Variants in FRAS1 observed in about 807,000 individuals in gnomAD.
FRAS1 encodes the protein Fraser extracellular matrix complex subunit 1, also known as extracellular matrix organizing protein FRAS1.
A neutral mutation model predicts 435.2 loss-of-function variants in FRAS1; 290 were observed. The ratio of observed to expected loss-of-function variants is 0.67; its 90% confidence interval spans 0.61 to 0.73. The LOEUF (loss-of-function observed/expected upper bound fraction) is 0.73, where lower values mean the gene tolerates loss of function less well. Ranked by LOEUF, FRAS1 falls within the 30% of genes least tolerant of loss-of-function variation. FRAS1 has a pLI of 0.00. For missense variants in FRAS1, 4,860 were observed against 5,001.5 expected (o/e 0.97, Z 0.85); for synonymous variants, 1,800 against 1,851.0 (o/e 0.97, Z 0.71).
At chr4:78,379,024 G>A (rs1731898392) in intron 26 of FRAS1, among the ~76,000 whole-genome samples, 1 of 152,090 alleles carries the variant, frequency 6.6e-6, no homozygotes, top group African/African-American at 2.4e-5. Flanking sequence ...CTATGCTCTT[G>A]CCGTGCATCC....
chr4:78,314,089 G>A (rs556388809), intron 15 of FRAS1, among the ~76,000 whole-genome samples: 32 of 151,366 alleles, frequency 2.1e-4, no homozygotes, highest in Non-Finnish European at 4.0e-4. Context: ...ACCTGTACTA[G>A]TTTTTTTTTC....
At chr4:78,096,692 G>A (rs1741825933) in intron 2 of FRAS1, among the ~76,000 whole-genome samples, 1 of 152,196 alleles carries the variant, frequency 6.6e-6, no homozygotes, top group Admixed American at 6.5e-5. Context: ...TTCAGCCATG[G>A]CTGGAGTAGC....
Position 78,534,458 on chromosome 4 carries a change from A to G in FRAS1, c.10935A>G (p.Ile3645Met). 1 of 1,612,116 alleles carries G rather than the reference A, an allele frequency of 6.2e-7. No individual in the cohort carries two copies. The highest frequency in any genetic ancestry group is 8.5e-7 in the Non-Finnish European group (1 of 1,178,890). ...CTAHAPERFL[I>M]PIAFQQTNRP... is the part of the protein sequence containing the mutation. The stretch of plus-strand genomic sequence containing the variant: ...TTCTCCTTGCATTTAGATTCCTGAT[A>G]CCCATTGCATTCCAGCAGACCAACC... Residue 3645 changes from isoleucine to methionine, a missense_variant, in exon 71 of 74, where the codon ATA becomes ATG. Ile to Met is a conservative substitution (Grantham distance 10). Coordinates refer to ENST00000512123, the MANE Select transcript of FRAS1 (RefSeq NM_025074.7).
At chr4:78,186,397 G>A (rs1410606518) in intron 2 of FRAS1, among the ~76,000 whole-genome samples, 2 of 152,132 alleles carry the variant, frequency 1.3e-5, no homozygotes, top group African/African-American at 2.4e-5. Flanking sequence ...TTTTGCTGAA[G>A]TACTCTATTT....
chr4:78,502,773 G>A (rs1257832704), intron 61 of FRAS1, among the ~76,000 whole-genome samples: 1 of 152,132 alleles, frequency 6.6e-6, no homozygotes, highest in Admixed American at 6.5e-5. Context: ...TGGTGAGAGA[G>A]GGCATCCTTG....
intron 2 of FRAS1, among the ~76,000 whole-genome samples, chr4:78,207,563 G>C (rs1258618028): frequency 1.3e-5 from 2 of 152,138 alleles, no homozygotes; most frequent in Admixed American, 6.5e-5. Flanking sequence ...ATAGATACTT[G>C]CTTCTAGTAG....
intron 63 of FRAS1, 36 bp downstream of exon 63, chr4:78,509,042 T>C (rs1309711644): frequency 6.3e-7 from 1 of 1,599,206 alleles, no homozygotes; most frequent in Admixed American, 1.7e-5. Context: ...TCTCCCTCCC[T>C]GGGAGAGAAC....
chr4:78,397,529 G>A (rs191156901), intron 29 of FRAS1, among the ~76,000 whole-genome samples: 31 of 152,198 alleles, frequency 2.0e-4, no homozygotes, highest in Admixed American at 5.2e-4. Context: ...GCTATGGGAG[G>A]GGGTGCATGG....
At chr4:78,299,259 G>A (rs1728279595) in intron 14 of FRAS1, among the ~76,000 whole-genome samples, 2 of 152,148 alleles carry the variant, frequency 1.3e-5, no homozygotes. Context: ...CCATCCCTAA[G>A]TCTGTCGATT....
chr4:78,478,476 A>G (rs1287224078), intron 55 of FRAS1, among the ~76,000 whole-genome samples: 2 of 152,222 alleles, frequency 1.3e-5, no homozygotes, highest in Admixed American at 6.5e-5. Context: ...TCCCTATGTG[A>G]CAGTCATATG....
At chr4:78,215,240 G>A (rs1456364707) in intron 2 of FRAS1, among the ~76,000 whole-genome samples, 1 of 151,806 alleles carries the variant, frequency 6.6e-6, no homozygotes, top group Non-Finnish European at 1.5e-5. Flanking sequence ...TCTGTCGCCA[G>A]GCTGGAGTGC....
At chr4:78,251,015 C>A (rs1578207023) in intron 4 of FRAS1, among the ~76,000 whole-genome samples, 2 of 151,816 alleles carry the variant, frequency 1.3e-5, no homozygotes, top group East Asian at 3.9e-4. Context: ...TTGTCCTTTG[C>A]CTTTTAATTT....
chr4:78,247,330 A>T (rs958971568), intron 4 of FRAS1, among the ~76,000 whole-genome samples: 1 of 152,100 alleles, frequency 6.6e-6, no homozygotes, highest in Non-Finnish European at 1.5e-5. Flanking sequence ...CCCTCTGAAA[A>T]TGTTATATTT....
chr4:78,429,060 G>GTGTGTC, intron 35 of FRAS1, 35 bp from the exon 36 acceptor site: 1 of 1,546,388 alleles, frequency 6.5e-7, no homozygotes, highest in Non-Finnish European at 8.8e-7. Context: ...GTGTGTGTGT[G>GTGTGTC]TGTCTCTGTG....
chr4:78,317,633 A>G (rs1252605895), intron 17 of FRAS1, 125 bp downstream of exon 17: 4 of 849,730 alleles, frequency 4.7e-6, no homozygotes, highest in Non-Finnish European at 7.0e-6. Flanking sequence ...CTATCCATAC[A>G]TTATATGCAT....
At position 78,267,355 on chromosome 4, in the gene FRAS1, G is replaced by A. The variant is rs1726416829; in HGVS notation, c.904G>A (p.Ala302Thr). The change falls in exon 9 of 74, where the codon GCC (alanine) becomes ACC (threonine). Residue 302 changes from alanine to threonine, a missense_variant. Transcript: ENST00000512123. ...CCAGGACGAAATGTGGAAGGGCTCG[G>A]CCTGTGAGTTCTGCATGTGTGATCA... ...RYQDEMWKGS[A>T]CEFCMCDHGQ... The A allele has an allele frequency of 6.2e-7, 1 of 1,613,766 alleles. No homozygotes were observed. The highest frequency in any genetic ancestry group is 1.3e-5 in the African/African-American group (1 of 74,926).
At chr4:78,089,192 T>C (rs1172719186) in intron 2 of FRAS1, among the ~76,000 whole-genome samples, 12 of 146,482 alleles carry the variant, frequency 8.2e-5, no homozygotes, top group Non-Finnish European at 1.6e-4. Context: ...AAAAACCAAA[T>C]ACCGCATGTT....
chr4:78,265,186 T>G, intron 7 of FRAS1, 78 bp downstream of exon 7: 1 of 843,116 alleles, frequency 1.2e-6, no homozygotes, highest in Non-Finnish European at 1.9e-6. Context: ...CCAGCCACCA[T>G]AAGTCACCAC....
At chr4:78,328,890 A>G (rs1254583935) in intron 18 of FRAS1, among the ~76,000 whole-genome samples, 2 of 152,228 alleles carry the variant, frequency 1.3e-5, no homozygotes, top group Non-Finnish European at 2.9e-5. Flanking sequence ...TACTTTGCAT[A>G]GGAGGATCAG....
Sources: allele counts gnomAD v4.1 joint callset (sites outside exome capture counted in the v4.1 genomes callset), GRCh38; gene constraint gnomAD v4.1.1; transcripts MANE v1.5; gene names NCBI Gene and HGNC (gene_info 2026-07-23, HGNC 2026-07-21).